MID1: variants seen among roughly 807,000 people sequenced by gnomAD.
MID1 encodes the protein midline 1.
Under a neutral mutation model 40.4 loss-of-function variants are expected in MID1, and 7 were observed. The ratio of observed to expected loss-of-function variants is 0.17; its 90% CI spans 0.10 to 0.33. The LOEUF (loss-of-function observed/expected upper bound fraction) is 0.33. MID1 is among the 10% of genes least tolerant of loss of function. The pLI is 1.00. For synonymous variants in MID1, 229 were observed against 221.2 expected (o/e 1.04, Z -0.31); for missense variants, 367 against 558.5 (o/e 0.66, Z 3.46).
chrX:10,631,138 T>C (rs1472195490), intron 1 of MID1, among the ~76,000 whole-genome samples: 1 of 112,153 alleles, frequency 8.9e-6, no homozygotes, highest in Non-Finnish European at 1.9e-5. Context: ...CAATGCAGTA[T>C]AGCACTGTGG....
intron 1 of MID1, among the ~76,000 whole-genome samples, chrX:10,776,766 T>C (rs969189127): frequency 2.7e-5 from 3 of 110,872 alleles, no homozygotes; most frequent in Non-Finnish European, 3.8e-5. Flanking sequence ...TGGGCGACAA[T>C]GCATGACCCA....
chrX:10,800,532 C>A (rs1378701750), intron 1 of MID1, among the ~76,000 whole-genome samples: 2 of 111,777 alleles, frequency 1.8e-5, no homozygotes, highest in African/African-American at 6.5e-5. Context: ...TGGGACAATT[C>A]ATTTTGCAGC....
intron 1 of MID1, among the ~76,000 whole-genome samples, chrX:10,599,194 T>C (rs932842902): frequency 8.9e-6 from 1 of 112,124 alleles, no homozygotes; most frequent in African/African-American, 3.2e-5. Flanking sequence ...TTCCGCTTAA[T>C]GATCAATTTC....
intron 8 of MID1, among the ~76,000 whole-genome samples, chrX:10,459,119 A>G (rs111963718): frequency 3.9e-4 from 43 of 111,006 alleles, no homozygotes; most frequent in African/African-American, 1.3e-3. Flanking sequence ...TGCCGGTAGC[A>G]TCCACCTCAG....
rs777295229 is a variant in MID1 at position 10,495,689 on chromosome X, G to T, written c.759C>A (p.Val253=). 2 of 1,177,262 alleles carry T rather than the reference G, an allele frequency of 1.7e-6. No homozygotes were observed. The highest frequency in any genetic ancestry group is 2.2e-5 in the Admixed American group (1 of 45,977). The change falls in exon 4 of 10, where the codon GTC becomes GTA. Residue 253 remains valine, a splice_region_variant and synonymous_variant. Coordinates refer to ENST00000317552, the MANE Select transcript of MID1 (RefSeq NM_000381.4). ...KLIQTCQHVE[V]NASRQEAKLT... is the part of the protein sequence containing the mutation. ...ATTTGGCTTCTTGACGTGATGCATT[G>T]ACCTACAGGATAAGTACAATGGTAA... is the stretch of plus-strand genomic sequence containing the variant.
chrX:10,736,546 C>G (rs1182193515), intron 1 of MID1, among the ~76,000 whole-genome samples: 1 of 112,039 alleles, frequency 8.9e-6, no homozygotes, highest in Non-Finnish European at 1.9e-5. Context: ...TTTTCAAGGT[C>G]ACTAGGCTGT....
rs191654270 is a variant in MID1 at position 10,664,127 on chromosome X, T to C, written c.-186-43708A>G. On this transcript the variant is annotated intron_variant, in intron 1 of 10. Transcript: ENST00000380785. The stretch of plus-strand genomic sequence containing the variant: ...TATGGAGTTAAAAGAGGGTTTTTGT[T>C]TGTTTGCTTGTTTTGTGTGTGTATC... Among the ~76,000 whole-genome samples, 7 of 106,537 alleles carry C rather than the reference T, an allele frequency of 6.6e-5. No individual in the cohort carries two copies. The Admixed American group carries it at 6.9e-4, about 10-fold the overall frequency. 92.5% of individuals were successfully genotyped at this position (106,537 alleles called of 115,157 possible).
chrX:10,485,352 A>G (rs1018171785), intron 4 of MID1, among the ~76,000 whole-genome samples: 1 of 112,520 alleles, frequency 8.9e-6, no homozygotes, highest in African/African-American at 3.2e-5. Context: ...TTAGTTTTCT[A>G]TTAGACAACA....
chrX:10,535,358 G>A (rs775504289), intron 2 of MID1, among the ~76,000 whole-genome samples: 1 of 111,612 alleles, frequency 9.0e-6, no homozygotes, highest in African/African-American at 3.3e-5. Context: ...TATACTTTAG[G>A]ATTTATTCAG....
intron 1 of MID1, among the ~76,000 whole-genome samples, chrX:10,595,575 A>G (rs1413042213): frequency 8.9e-6 from 1 of 111,835 alleles, no homozygotes; most frequent in Non-Finnish European, 1.9e-5. Context: ...AAAGATAAAT[A>G]CCACATGATC....
intron 4 of MID1, among the ~76,000 whole-genome samples, chrX:10,494,771 C>CAAAAAAAAAAAAAAA (rs58092232): frequency 6.3e-5 from 2 of 31,978 alleles, no homozygotes; most frequent in East Asian, 1.3e-3. Context: ...AAGACTGTCT[C>CAAAAAAAAAAAAAAA]AAAAAAAAAA....
chrX:10,674,655 G>T (rs2043010225), intron 1 of MID1, among the ~76,000 whole-genome samples: 1 of 111,999 alleles, frequency 8.9e-6, no homozygotes, highest in South Asian at 3.7e-4. Flanking sequence ...ATGAGCATGG[G>T]GTGGAGAATA....
chrX:10,523,021 T>C (rs1174174606), intron 3 of MID1, 71 bp downstream of exon 3: 2 of 737,944 alleles, frequency 2.7e-6, no homozygotes, highest in African/African-American at 4.2e-5. Flanking sequence ...TTATAAAGCA[T>C]GAGGATATCA....
chrX:10,751,040 G>C (rs1220179686), intron 1 of MID1, among the ~76,000 whole-genome samples: 1 of 110,505 alleles, frequency 9.0e-6, no homozygotes. Flanking sequence ...TGAGACAGGC[G>C]GATCACTTGG....
At chrX:10,456,841 AAATAAC>A (rs1928704146) in intron 8 of MID1, among the ~76,000 whole-genome samples, 1 of 111,144 alleles carries the variant, frequency 9.0e-6, no homozygotes, top group Admixed American at 9.5e-5. Context: ...TGTCTCAAAA[AAATAAC>A]AATAAAAAAG....
chrX:10,483,455 G>A (rs1198067870), intron 4 of MID1, among the ~76,000 whole-genome samples: 1 of 111,972 alleles, frequency 8.9e-6, no homozygotes, highest in African/African-American at 3.2e-5. Context: ...ATAAGTCCAA[G>A]GTAACCCACT....
chrX:10,579,192 CA>C (rs780249016), intron 1 of MID1, among the ~76,000 whole-genome samples: 18 of 111,840 alleles, frequency 1.6e-4, no homozygotes, highest in Non-Finnish European at 3.4e-4. Flanking sequence ...CTCATATCTG[CA>C]AAAGGTCACC....
chrX:10,585,983 G>C (rs758450156), intron 1 of MID1, among the ~76,000 whole-genome samples: 3 of 111,049 alleles, frequency 2.7e-5, no homozygotes, highest in Non-Finnish European at 3.8e-5. Context: ...TCGTTTATGA[G>C]CCTCCACCAG....
intron 1 of MID1, among the ~76,000 whole-genome samples, chrX:10,720,077 C>A (rs1204161482): frequency 2.7e-5 from 3 of 111,930 alleles, no homozygotes; most frequent in East Asian, 5.6e-4. Flanking sequence ...AAATGTTAGA[C>A]CTAACACCAT....
Sources: gnomAD v4.1 joint callset for allele counts (sites outside exome capture counted in the v4.1 genomes callset) on GRCh38, gnomAD v4.1.1 for gene constraint, MANE v1.5 for transcripts, NCBI Gene and HGNC (gene_info 2026-07-23, HGNC 2026-07-21) for gene names.